The following RGS7 variants were observed in gnomAD, a reference collection of about 807,000 sequenced individuals.
RGS7 encodes the protein regulator of G-protein signaling 7.
A neutral mutation model predicts 81.1 loss-of-function variants in RGS7; 27 were observed. The observed-to-expected ratio is 0.33, with a 90% CI of 0.25 to 0.46. The LOEUF (loss-of-function observed/expected upper bound fraction) is 0.46. Ranked by LOEUF, RGS7 falls within the 20% of genes least tolerant of loss-of-function variation. The probability of loss-of-function intolerance (pLI) is 1.00; values close to 1 mark genes in which losing one functional copy is unlikely to be tolerated. For missense variants in RGS7, 396 were observed against 607.4 expected, an observed-to-expected ratio of 0.65 and a Z score of 3.66; for synonymous variants, 208 against 207.7, an observed-to-expected ratio of 1.00 and a Z score of -0.01.
chr1:241,229,060 TAAA>T (rs34579729), intron 2 of RGS7, among the ~76,000 whole-genome samples: 2 of 143,274 alleles, frequency 1.4e-5, no homozygotes, highest in Non-Finnish European at 3.1e-5. Context: ...AATAAAAAAT[TAAA>T]AAAAAAAAAA....
chr1:240,981,631 A>T (rs114781268), intron 4 of RGS7, among the ~76,000 whole-genome samples: 2,675 of 152,168 alleles, frequency 0.018, 73 homozygotes, highest in African/African-American at 0.06. Flanking sequence ...CTTCCTATTA[A>T]TTATCTCCCC....
intron 15 of RGS7, among the ~76,000 whole-genome samples, chr1:240,805,817 C>T (rs79362404): frequency 0.013 from 2,041 of 152,086 alleles, 59 homozygotes; most frequent in East Asian, 0.12. Context: ...AAATCTTTTA[C>T]TGAGGTGGGG....
chr1:241,235,630 C>T (rs2075901661), intron 2 of RGS7, among the ~76,000 whole-genome samples: 1 of 123,756 alleles, frequency 8.1e-6, no homozygotes, highest in African/African-American at 3.1e-5. Context: ...CCTTTTCTCT[C>T]TTTTTTCTTT....
At chr1:241,146,688 C>G (rs1286261270) in intron 2 of RGS7, among the ~76,000 whole-genome samples, 1 of 152,178 alleles carries the variant, frequency 6.6e-6, no homozygotes, top group Non-Finnish European at 1.5e-5. Flanking sequence ...TGCTTTTCCT[C>G]TCCAAAATAT....
rs2069043098 is a variant in RGS7 at position 241,155,339 on chromosome 1, C to T, written c.79-56577G>A. 2.0e-5 allele frequency among the ~76,000 whole-genome samples: 3 copies of T among 151,994 alleles called. No homozygotes were observed. In the South Asian group the frequency reaches 6.2e-4, roughly 32 times the overall value. On this transcript the variant is annotated intron_variant, in intron 2 of 18. Transcript: ENST00000440928. Reference sequence around the variant, plus strand: ...TGGTGAACTCCTGACCTCAAGTGATCTCCCCTCCTCTGCCTCCCAAAGTGT... The same window carrying T: ...TGGTGAACTCCTGACCTCAAGTGATTTCCCCTCCTCTGCCTCCCAAAGTGT...
chr1:240,931,897 A>T (rs16841073), intron 5 of RGS7, among the ~76,000 whole-genome samples: 4,077 of 152,294 alleles, frequency 0.027, 176 homozygotes, highest in African/African-American at 0.09. Context: ...GACCACGAAG[A>T]AACCTGATGA....
chr1:240,809,238 A>G (rs1689417853), intron 14 of RGS7, among the ~76,000 whole-genome samples: 1 of 152,176 alleles, frequency 6.6e-6, no homozygotes, highest in African/African-American at 2.4e-5. Context: ...GCTCTCTATT[A>G]GGGAGAGCAG....
chr1:241,283,079 G>T (rs559597617), intron 2 of RGS7, among the ~76,000 whole-genome samples: 2 of 152,060 alleles, frequency 1.3e-5, no homozygotes, highest in South Asian at 4.1e-4. Context: ...CTTTTATCCT[G>T]TCCTTTTTAT....
intron 3 of RGS7, among the ~76,000 whole-genome samples, chr1:241,009,723 T>C (rs1572244136): frequency 6.6e-6 from 1 of 152,224 alleles, no homozygotes; most frequent in Non-Finnish European, 1.5e-5. Context: ...CTCACTGTTA[T>C]ACTTGAATGG....
chr1:241,181,833 G>A (rs2071644865), intron 2 of RGS7, among the ~76,000 whole-genome samples: 1 of 152,032 alleles, frequency 6.6e-6, no homozygotes, highest in Admixed American at 6.6e-5. Context: ...CAAGTAGCTG[G>A]GACTACAGGT....
chr1:240,982,019 T>C (rs1016765136), intron 4 of RGS7, among the ~76,000 whole-genome samples: 5 of 152,232 alleles, frequency 3.3e-5, no homozygotes, highest in African/African-American at 1.2e-4. Context: ...TTTTCATAAC[T>C]ATTGTTTTCT....
intron 2 of RGS7, among the ~76,000 whole-genome samples, chr1:241,153,119 T>C (rs1192203651): frequency 6.6e-6 from 1 of 152,196 alleles, no homozygotes; most frequent in East Asian, 1.9e-4. Flanking sequence ...TGACTGACAA[T>C]GAATAGTCAT....
At chr1:241,302,019 T>C (rs566835384) in intron 2 of RGS7, among the ~76,000 whole-genome samples, 3 of 152,234 alleles carry the variant, frequency 2.0e-5, no homozygotes, top group Non-Finnish European at 4.4e-5. Context: ...GGGCCAGAGC[T>C]GTGGGCAGAA....
At chr1:241,348,048 T>A (rs1573788286) in intron 2 of RGS7, among the ~76,000 whole-genome samples, 2 of 152,330 alleles carry the variant, frequency 1.3e-5, no homozygotes, top group African/African-American at 4.8e-5. Flanking sequence ...TCCAATCCAA[T>A]GGACACTAGC....
chr1:240,970,678 T>C (rs7546452), intron 4 of RGS7, among the ~76,000 whole-genome samples: 62,030 of 151,670 alleles, frequency 0.41, 13,153 homozygotes, highest in East Asian at 0.67. Context: ...AGAGAGATTC[T>C]TGGTGTTGTT....
At position 240,945,316 on chromosome 1, in the gene RGS7, G is replaced by A. The variant is rs181793994; in HGVS notation, c.227-8610C>T. On this transcript the variant is annotated intron_variant, in intron 4 of 18. Transcript: ENST00000440928. The stretch of plus-strand genomic sequence containing the variant: ...AACTCAATCCTGATGATTCTCAAGG[G>A]CTGCTATAGTATAGAGTTTTTGTAC... Among the ~76,000 whole-genome samples, 29 of 152,304 alleles carry A rather than the reference G, an allele frequency of 1.9e-4. No individual in the cohort carries two copies. In the East Asian group the frequency reaches 5.6e-3, roughly 29 times the overall value.
intron 3 of RGS7, among the ~76,000 whole-genome samples, chr1:241,069,525 A>G (rs914688689): frequency 3.3e-5 from 5 of 152,248 alleles, no homozygotes; most frequent in Non-Finnish European, 7.3e-5. Flanking sequence ...ATTAATAATA[A>G]TCATAATGAG....
chr1:241,108,468 C>T (rs2065284143), intron 2 of RGS7, among the ~76,000 whole-genome samples: 1 of 152,148 alleles, frequency 6.6e-6, no homozygotes, highest in Non-Finnish European at 1.5e-5. Context: ...TTGCACTCTT[C>T]GGCATGGTAA....
intron 2 of RGS7, among the ~76,000 whole-genome samples, chr1:241,273,196 A>T (rs1429215808): frequency 8.3e-6 from 1 of 121,172 alleles, no homozygotes; most frequent in East Asian, 3.2e-4. Context: ...CAAAGGATAC[A>T]CTCCTTCTTC....
Sources: gnomAD v4.1 joint callset for allele counts (sites outside exome capture counted in the v4.1 genomes callset) on GRCh38, gnomAD v4.1.1 for gene constraint, MANE v1.5 for transcripts, NCBI Gene and HGNC (gene_info 2026-07-23, HGNC 2026-07-21) for gene names.